The following PRKAG2 variants were observed in gnomAD, a reference collection of about 807,000 sequenced individuals.
PRKAG2 encodes the protein 5'-AMP-activated protein kinase subunit gamma-2.
Under a neutral mutation model 69.6 loss-of-function variants are expected in PRKAG2, and 26 were observed. The ratio of observed to expected loss-of-function variants is 0.37; its 90% CI spans 0.27 to 0.52. The LOEUF (loss-of-function observed/expected upper bound fraction) is 0.52. PRKAG2 is among the 20% of genes least tolerant of loss of function. The pLI, the probability that PRKAG2 is intolerant of heterozygous loss-of-function variation, is 0.90. For synonymous variants in PRKAG2, 293 were observed against 285.0 expected (o/e 1.03, Z -0.28); for missense variants, 557 against 740.0 (o/e 0.75, Z 2.87).
In PRKAG2 at chr7:151,807,770, T is replaced by G. The variant is rs1563710490; in HGVS notation, c.115-21229A>C. ...GAACTCGTGCATCCGAACCCTTCTCTGACTTGGCGGGTTATTGGATTAGCT... is the reference window on the plus strand; with the variant it reads ...GAACTCGTGCATCCGAACCCTTCTCGGACTTGGCGGGTTATTGGATTAGCT... On this transcript the variant is annotated intron_variant, in intron 1 of 15. Transcript: ENST00000287878. This position sits in a 1 kb window ranked among gnomAD's most constrained non-coding sequence, Gnocchi z 4.4. 2.7e-6 allele frequency: 1 copy of G among 365,734 alleles called. No homozygotes were observed. The allele number at this position is 365,734 out of a possible 1,614,324, so 22.7% of individuals were successfully genotyped here. A position where few individuals can be genotyped will look rare whatever the true frequency, so the allele number is the denominator to read the frequency against.
intron 1 of PRKAG2, among the ~76,000 whole-genome samples, chr7:151,859,783 G>A (rs138849494): frequency 2.0e-5 from 3 of 152,332 alleles, no homozygotes; most frequent in East Asian, 1.9e-4. Context: ...TTAAGGCACC[G>A]AGGATGTATC....
chr7:151,593,997 G>A (rs968789564), intron 6 of PRKAG2, among the ~76,000 whole-genome samples: 11 of 152,220 alleles, frequency 7.2e-5, no homozygotes, highest in African/African-American at 1.9e-4. Flanking sequence ...GAGGACGCAC[G>A]GCAGGTGTGG....
At chr7:151,627,765 T>C (rs946274814) in intron 5 of PRKAG2, among the ~76,000 whole-genome samples, 2 of 152,122 alleles carry the variant, frequency 1.3e-5, no homozygotes, top group Non-Finnish European at 2.9e-5. Flanking sequence ...TGCGCTCGGG[T>C]GATCCTCCCA....
At chr7:151,743,494 A>T (rs1338015600) in intron 3 of PRKAG2, among the ~76,000 whole-genome samples, 1 of 152,158 alleles carries the variant, frequency 6.6e-6, no homozygotes, top group African/African-American at 2.4e-5. Flanking sequence ...TAGATTTCTG[A>T]CTACAAACCT....
intron 1 of PRKAG2, among the ~76,000 whole-genome samples, chr7:151,801,310 G>A (rs2077823322): frequency 6.6e-6 from 1 of 152,248 alleles, no homozygotes; most frequent in Non-Finnish European, 1.5e-5. Context: ...AGATAAATGA[G>A]ACCAGAGACA....
chr7:151,836,988 G>T lies in PRKAG2; in HGVS notation c.114+39519C>A, dbSNP rs2079162132. On this transcript the variant is annotated intron_variant, in intron 1 of 15. Transcript: ENST00000287878. The surrounding 1 kb of genome is among the most constrained non-coding windows in gnomAD (Gnocchi z 4.1). ...TGCCAATGTTTATTTGAGGCTATTTGTTTAAATTCAACTTGAACCCCGGTT... is the reference window on the plus strand; with the variant it reads ...TGCCAATGTTTATTTGAGGCTATTTTTTTAAATTCAACTTGAACCCCGGTT... 6.6e-6 allele frequency among the ~76,000 whole-genome samples: 1 copy of T among 151,874 alleles called. No homozygotes were observed. The highest frequency in any genetic ancestry group is 2.1e-4 in the South Asian group (1 of 4,826).
intron 4 of PRKAG2, among the ~76,000 whole-genome samples, chr7:151,664,017 C>T (rs541095163): frequency 7.9e-5 from 12 of 152,288 alleles, no homozygotes; most frequent in South Asian, 2.1e-4. Flanking sequence ...AATGAATGCA[C>T]GTAGCTGTGT....
chr7:151,867,103 T>C (rs1256246928), intron 1 of PRKAG2, among the ~76,000 whole-genome samples: 1 of 152,168 alleles, frequency 6.6e-6, no homozygotes, highest in East Asian at 1.9e-4. Context: ...CAAAGTGCTG[T>C]GGGCAGTGGG....
Position 151,814,535 on chromosome 7 carries a change from A to T in PRKAG2, c.115-27994T>A. On this transcript the variant is annotated intron_variant, in intron 1 of 15. Transcript: ENST00000287878. This position sits in a 1 kb window ranked among gnomAD's most constrained non-coding sequence, Gnocchi z 4.8. ...ACGGGCGGCACTCCCAGCTCTGACAAATCCTGCTGCCTCACTCGAAAGGTC... is the reference window on the plus strand; with the variant it reads ...ACGGGCGGCACTCCCAGCTCTGACATATCCTGCTGCCTCACTCGAAAGGTC... 4 of 1,231,502 alleles carry T rather than the reference A, an allele frequency of 3.2e-6. No homozygotes were observed. Among genetic ancestry groups the T allele is most frequent in the Non-Finnish European group, 4.0e-6 (4 of 987,982 alleles). The allele number at this position is 1,231,502 out of a possible 1,614,324, so 76.3% of individuals were successfully genotyped here.
chr7:151,715,322 CAAAAAAAAAAAAAA>C (rs34971340), intron 3 of PRKAG2, among the ~76,000 whole-genome samples: 2 of 62,458 alleles, frequency 3.2e-5, no homozygotes, highest in African/African-American at 7.1e-5. Context: ...GGCCTAAAAG[CAAAAAAAAAAAAAA>C]AAAAAAAAAA....
At chr7:151,837,694 G>T (rs190778849) in intron 1 of PRKAG2, among the ~76,000 whole-genome samples, 28 of 152,272 alleles carry the variant, frequency 1.8e-4, no homozygotes, top group African/African-American at 5.8e-4. Flanking sequence ...GGGCTCTTAA[G>T]CCCTAACACC....
intron 15 of PRKAG2, 56 bp from the exon 16 acceptor site, chr7:151,557,288 T>A: frequency 5.0e-6 from 8 of 1,613,624 alleles, no homozygotes; most frequent in Non-Finnish European, 6.8e-6. Flanking sequence ...CAGGGTTCTC[T>A]ACCCCAGGGG....
In PRKAG2 at chr7:151,699,388, C is replaced by T. The variant is rs548083257; in HGVS notation, c.467-23751G>A. Among the ~76,000 whole-genome samples the T allele has an allele frequency of 6.6e-6, 1 of 152,250 alleles. No homozygotes were observed. The highest frequency in any genetic ancestry group is 1.9e-4 in the East Asian group (1 of 5,176). On this transcript the variant is annotated intron_variant, in intron 3 of 15. Coordinates refer to ENST00000287878, the MANE Select transcript of PRKAG2 (RefSeq NM_016203.4). This position sits in a 1 kb window ranked among gnomAD's most constrained non-coding sequence, Gnocchi z 4.5. ...GGTTACGATCCGGTTACATCTCAGC[C>T]CCCTGCTGAGAAAGAGGCGCTAAGG...
chr7:151,667,236 C>A (rs990886511), intron 4 of PRKAG2, among the ~76,000 whole-genome samples: 1 of 152,206 alleles, frequency 6.6e-6, no homozygotes, highest in African/African-American at 2.4e-5. Flanking sequence ...TCCTGCCTTC[C>A]CTTCTCCCAC....
At position 151,699,389 on chromosome 7, in the gene PRKAG2, C is replaced by A. The variant is rs183415198; in HGVS notation, c.467-23752G>T. ...GTTACGATCCGGTTACATCTCAGCC[C>A]CCTGCTGAGAAAGAGGCGCTAAGGT... On this transcript the variant is annotated intron_variant, in intron 3 of 15. Transcript: ENST00000287878. This position sits in a 1 kb window ranked among gnomAD's most constrained non-coding sequence, Gnocchi z 4.5. 6.6e-6 allele frequency among the ~76,000 whole-genome samples: 1 copy of A among 152,144 alleles called. No individual in the cohort carries two copies. Among genetic ancestry groups the A allele is most frequent in the African/African-American group, 2.4e-5 (1 of 41,430 alleles).
intron 1 of PRKAG2, among the ~76,000 whole-genome samples, chr7:151,834,061 A>AG (rs1277625890): frequency 7.0e-6 from 1 of 143,504 alleles, no homozygotes; most frequent in African/African-American, 2.5e-5. Context: ...CAGTTTCTGG[A>AG]GGAAAAAAAA....
At chr7:151,618,411 C>T (rs527717854) in intron 5 of PRKAG2, among the ~76,000 whole-genome samples, 2 of 151,130 alleles carry the variant, frequency 1.3e-5, no homozygotes, top group African/African-American at 4.9e-5. Flanking sequence ...CGAGATCATG[C>T]CACTGCACTC....
intron 6 of PRKAG2, among the ~76,000 whole-genome samples, chr7:151,586,273 T>C (rs1585056710): frequency 6.6e-6 from 1 of 152,266 alleles, no homozygotes; most frequent in East Asian, 1.9e-4. Context: ...CAGACGTGCC[T>C]GTCATGGCAC....
chr7:151,596,981 G>C lies in PRKAG2; in HGVS notation c.755-1527C>G, dbSNP rs573367624. ...GACCCCAAATAGCCAAAAGAATTTT[G>C]AGCAAAAAGAACAAAGCTGAAGATA... On this transcript the variant is annotated intron_variant, in intron 5 of 15. Coordinates refer to ENST00000287878, the MANE Select transcript of PRKAG2 (RefSeq NM_016203.4). 7.2e-5 allele frequency among the ~76,000 whole-genome samples: 11 copies of C among 152,002 alleles called. No homozygotes were observed. In the East Asian group the frequency reaches 2.1e-3, roughly 29 times the overall value.
Sources: gnomAD v4.1 joint callset for allele counts (sites outside exome capture counted in the v4.1 genomes callset) on GRCh38, gnomAD v4.1.1 for gene constraint, Gnocchi (gnomAD v3.1) non-coding constraint, MANE v1.5 for transcripts, NCBI Gene and HGNC (gene_info 2026-07-23, HGNC 2026-07-21) for gene names.